Variants in MCMBP observed in about 807,000 individuals in gnomAD.
MCMBP encodes the protein mini-chromosome maintenance complex-binding protein.
MCMBP carries 31 observed loss-of-function variants against 81.3 expected under a neutral mutation model. The observed-to-expected ratio is 0.38, with a 90% CI of 0.29 to 0.51. MCMBP has a LOEUF of 0.51. Among genes scored for constraint, MCMBP ranks in the 20% least tolerant of loss-of-function variants. The pLI is 0.87. For missense variants in MCMBP, 645 were observed against 772.1 expected (o/e 0.84, Z 1.95); for synonymous variants, 267 against 275.9 (o/e 0.97, Z 0.32).
intron 1 of MCMBP, among the ~76,000 whole-genome samples, chr10:119,870,797 A>G (rs1304967292): frequency 1.3e-5 from 2 of 151,146 alleles, no homozygotes; most frequent in African/African-American, 2.5e-5. Context: ...CTACGAACAC[A>G]TTATGACTTT....
intron 6 of MCMBP, among the ~76,000 whole-genome samples, chr10:119,852,767 C>A (rs996231031): frequency 2.0e-5 from 3 of 152,170 alleles, no homozygotes; most frequent in Admixed American, 1.3e-4. Context: ...AAGTACCAGG[C>A]TTCTGTATTA....
chr10:119,854,968 A>T (rs2420646), intron 5 of MCMBP, among the ~76,000 whole-genome samples: 118,422 of 134,958 alleles, frequency 0.88, 51,903 homozygotes, highest in South Asian at 0.94. Context: ...AAAAAAAAAA[A>T]AAAATAAAAT....
At position 119,831,346 on chromosome 10, in the gene MCMBP, T is replaced by G; in HGVS notation, c.*128A>C. The stretch of plus-strand genomic sequence containing the variant: ...ATATAAACATCAGGTGTTACCAGGC[T>G]TGATTTCAGGAAATGTCACTGGTTT... On this transcript the variant is annotated 3_prime_UTR_variant, in exon 16 of 16. Transcript: ENST00000369077. 1 of 1,155,076 alleles carries G rather than the reference T, an allele frequency of 8.7e-7. No individual in the cohort carries two copies. The highest frequency in any genetic ancestry group is 1.2e-6 in the Non-Finnish European group (1 of 813,160). 71.6% of individuals were successfully genotyped at this position (1,155,076 alleles called of 1,614,324 possible).
chr10:119,845,879 A>G (rs1433495664), intron 8 of MCMBP, among the ~76,000 whole-genome samples: 1 of 152,240 alleles, frequency 6.6e-6, no homozygotes, highest in African/African-American at 2.4e-5. Context: ...AGTCATAAAT[A>G]TAGAAAGGAG....
chr10:119,857,490 A>G (rs1312473993), intron 4 of MCMBP, 51 bp from the exon 5 acceptor site: 1 of 1,266,598 alleles, frequency 7.9e-7, no homozygotes, highest in African/African-American at 1.5e-5. Flanking sequence ...AAAAACCCAA[A>G]ATTTATTTTA....
At chr10:119,854,054 T>A (rs1852932507) in intron 5 of MCMBP, among the ~76,000 whole-genome samples, 1 of 151,400 alleles carries the variant, frequency 6.6e-6, no homozygotes, top group Non-Finnish European at 1.5e-5. Context: ...TCTTTTTTTT[T>A]TTTTTTGAGA....
At chr10:119,838,096 A>G (rs532709079) in intron 12 of MCMBP, among the ~76,000 whole-genome samples, 90 of 151,938 alleles carry the variant, frequency 5.9e-4, no homozygotes, top group Non-Finnish European at 1.1e-3. Flanking sequence ...AGACTGCTCC[A>G]ACCATTCGCT....
Position 119,830,455 on chromosome 10 carries a change from C to CTGA in MCMBP, c.*1016_*1018dup, listed in dbSNP as rs1454118135. On this transcript the variant is annotated 3_prime_UTR_variant, in exon 16 of 16. Coordinates refer to ENST00000369077, the MANE Select transcript of MCMBP (RefSeq NM_001256378.2). The stretch of plus-strand genomic sequence containing the variant: ...GCTGATCTAACATACTTGGAACCAA[C>CTGA]TGATGATCCCATAAAAAATGCCAAA... 2.0e-5 allele frequency: 3 copies of CTGA among 152,178 alleles called. No individual in the cohort carries two copies. Among genetic ancestry groups the CTGA allele is most frequent in the Admixed American group, 6.5e-5 (1 of 15,286 alleles). The allele number at this position is 152,178 out of a possible 1,614,324, so 9.4% of individuals were successfully genotyped here.
chr10:119,838,233 TATATA>T (rs907030651), intron 12 of MCMBP, among the ~76,000 whole-genome samples: 96 of 148,246 alleles, frequency 6.5e-4, no homozygotes, highest in East Asian at 2.5e-3. Flanking sequence ...ATATATAAAA[TATATA>T]ATATATGATA....
intron 6 of MCMBP, among the ~76,000 whole-genome samples, chr10:119,850,874 G>GTTTTTTTTTTTTTTTTTTTTTTTTTTT (rs1284100421): frequency 2.3e-4 from 30 of 130,540 alleles, no homozygotes; most frequent in Non-Finnish European, 3.6e-4. Context: ...TACAAGATCT[G>GTTTTTTTTTTTTTTTTTTTTTTTTTTT]TTTTTTTTTT....
At chr10:119,838,878 G>A (rs565812800) in intron 11 of MCMBP, among the ~76,000 whole-genome samples, 178 bp from the exon 12 acceptor site, 8 of 152,226 alleles carry the variant, frequency 5.3e-5, no homozygotes, top group Admixed American at 1.3e-4. Flanking sequence ...TCTTACATTT[G>A]AATTTCATCC....
chr10:119,870,791 G>A (rs1019448629), intron 1 of MCMBP, among the ~76,000 whole-genome samples: 2 of 152,082 alleles, frequency 1.3e-5, no homozygotes, highest in South Asian at 2.1e-4. Flanking sequence ...CAGCTTCTAC[G>A]AACACATTAT....
intron 12 of MCMBP, among the ~76,000 whole-genome samples, chr10:119,837,787 CA>C (rs572425467): frequency 8.1e-5 from 12 of 148,290 alleles, no homozygotes; most frequent in Non-Finnish European, 1.3e-4. Flanking sequence ...CGTCTCAAAA[CA>C]AAAAAAAAAT....
rs1231327579 is a variant in MCMBP at position 119,830,657 on chromosome 10, A to AGT, written c.*815_*816dup. The stretch of plus-strand genomic sequence containing the variant: ...GGATAGGAGAAAATAAAGACAATGT[A>AGT]GTGTCTTGGTTTCTTTTGCCCCCAA... On this transcript the variant is annotated 3_prime_UTR_variant, in exon 16 of 16. Transcript: ENST00000369077. The AGT allele has an allele frequency of 1.3e-5, 2 of 152,586 alleles. No individual in the cohort carries two copies. The highest frequency in any genetic ancestry group is 4.8e-5 in the African/African-American group (2 of 41,454). 9.5% of individuals were successfully genotyped at this position (152,586 alleles called of 1,614,324 possible).
At chr10:119,872,429 C>G (rs1853719342) in intron 1 of MCMBP, 98 bp downstream of exon 1, 1 of 699,980 alleles carries the variant, frequency 1.4e-6, no homozygotes, top group Non-Finnish European at 1.9e-6. Flanking sequence ...CGCGAGCCCT[C>G]GAGATGGTAC....
intron 5 of MCMBP, 135 bp downstream of exon 5, chr10:119,857,203 T>C (rs997175419): frequency 2.1e-5 from 12 of 568,638 alleles, no homozygotes; most frequent in Non-Finnish European, 3.6e-5. Flanking sequence ...ACTTAGCCCG[T>C]TTTATGGGTT....
rs192391867 is a variant in MCMBP, at chr10:119,840,960, T to C, written c.1125A>G (p.Val375=). 2 of 1,546,834 alleles carry C rather than the reference T, an allele frequency of 1.3e-6. No individual in the cohort carries two copies. Among genetic ancestry groups the C allele is most frequent in the East Asian group, 4.5e-5 (2 of 44,456 alleles). ...EYLILHLIST[V]YTRRDVLPLG... Reference sequence around the variant, plus strand: ...GTGGAAGGACATCTCTTCTTGTATATCTAGAAAAGAAAGAAATCAATCAAT... The same window carrying C: ...GTGGAAGGACATCTCTTCTTGTATACCTAGAAAAGAAAGAAATCAATCAAT... Residue 375 remains valine (V), a splice_region_variant and synonymous_variant, in exon 11 of 16, where the codon GTA becomes GTG. Coordinates refer to ENST00000369077, the MANE Select transcript of MCMBP (RefSeq NM_001256378.2).
Position 119,854,181 on chromosome 10 carries a change from A to G in MCMBP, c.430-987T>C, listed in dbSNP as rs374585440. On this transcript the variant is annotated intron_variant, in intron 5 of 15. Coordinates refer to ENST00000369077, the MANE Select transcript of MCMBP (RefSeq NM_001256378.2). Reference sequence around the variant, plus strand: ...TCAAGCCATGGGAGTAGCTGGAACCACAGGTGCCCACCACCAAGCCCGGCT... The same window carrying G: ...TCAAGCCATGGGAGTAGCTGGAACCGCAGGTGCCCACCACCAAGCCCGGCT... 6.9e-4 allele frequency among the ~76,000 whole-genome samples: 104 copies of G among 151,674 alleles called. 1 individual carries two copies. The South Asian group carries it at 0.021, about 30-fold the overall frequency.
At chr10:119,853,469 T>C (rs1192500474) in intron 5 of MCMBP, among the ~76,000 whole-genome samples, 3 of 152,228 alleles carry the variant, frequency 2.0e-5, no homozygotes, top group Admixed American at 2.0e-4. Flanking sequence ...GTTATGATCC[T>C]TGAATGAGGA....
Sources: allele counts gnomAD v4.1 joint callset (sites outside exome capture counted in the v4.1 genomes callset), GRCh38; gene constraint gnomAD v4.1.1; transcripts MANE v1.5; gene names NCBI Gene and HGNC (gene_info 2026-07-23, HGNC 2026-07-21).